The following CSPP1 variants were observed in gnomAD, a reference collection of about 807,000 sequenced individuals.
CSPP1 encodes the protein centrosome and spindle pole associated protein 1, also known as centrosome and spindle pole-associated protein 1.
In CSPP1, 126 loss-of-function variants were observed where a neutral mutation model predicts 164.4. That is an observed-to-expected ratio of 0.77 (90% CI 0.66 to 0.89). The LOEUF is 0.89. Among genes scored for constraint, CSPP1 ranks in the 40% least tolerant of loss-of-function variants. CSPP1 has a pLI of 0.00. For missense variants in CSPP1, 1,395 were observed against 1,449.8 expected (o/e 0.96, Z 0.61); for synonymous variants, 472 against 476.7 (o/e 0.99, Z 0.13).
intron 4 of CSPP1, among the ~76,000 whole-genome samples, chr8:67,088,583 C>A (rs1280589490): frequency 6.8e-6 from 1 of 146,712 alleles, no homozygotes; most frequent in Non-Finnish European, 1.5e-5. Context: ...CCACCGCACC[C>A]GGCCAGTTTT....
Position 67,188,634 on chromosome 8 carries a change from C to T in CSPP1, c.3221-2016C>T, listed in dbSNP as rs189374482. ...CTTCTGGTCCATGTTTGTTACGGCT[C>T]GAGCTGAGCTTTCGCTTGCTGTCCA... On this transcript the variant is annotated intron_variant, in intron 28 of 30. Coordinates refer to ENST00000678616, the MANE Select transcript of CSPP1 (RefSeq NM_001382391.1). 8.6e-3 allele frequency among the ~76,000 whole-genome samples: 1,309 copies of T among 152,256 alleles called. 16 individuals carry two copies. Among genetic ancestry groups the T allele is most frequent in the African/African-American group, 0.03 (1,232 of 41,548 alleles).
intron 30 of CSPP1, among the ~76,000 whole-genome samples, chr8:67,194,773 C>G (rs1294069362): frequency 6.6e-6 from 1 of 150,528 alleles, no homozygotes; most frequent in East Asian, 2.0e-4. Flanking sequence ...AAGTAAAATA[C>G]AGATAGAAGT....
intron 28 of CSPP1, among the ~76,000 whole-genome samples, chr8:67,180,417 G>A (rs781186727): frequency 6.6e-6 from 1 of 152,200 alleles, no homozygotes; most frequent in Admixed American, 6.5e-5. Flanking sequence ...CAGATTAGTG[G>A]TTGCCAGGGG....
At position 67,116,121 on chromosome 8, in the gene CSPP1, A is replaced by G. The variant is rs1586229739; in HGVS notation, c.1495A>G (p.Arg499Gly). ...SSALGEMVSPRIAPLPPPPLL... is the reference protein window; with the variant it reads ...SSALGEMVSPGIAPLPPPPLL... The stretch of plus-strand genomic sequence containing the variant: ...CGCCCTTGGTGAAATGGTGTCTCCC[A>G]GGTGCTTGTTTAAATGTTTTGTGTT... Residue 499 changes from arginine (R) to glycine (G), a missense_variant and splice_region_variant, in exon 13 of 31, where the codon AGG becomes GGG. Arg to Gly is a moderately radical substitution (Grantham distance 125). Transcript: ENST00000678616. The G allele has an allele frequency of 6.2e-7, 1 of 1,610,436 alleles. No individual in the cohort carries two copies. The highest frequency in any genetic ancestry group is 1.1e-5 in the South Asian group (1 of 90,988).
chr8:67,162,424 C>T (rs144696678), intron 22 of CSPP1, among the ~76,000 whole-genome samples: 198 of 152,236 alleles, frequency 1.3e-3, no homozygotes, highest in African/African-American at 4.5e-3. Context: ...GCATGCTGTA[C>T]GGAGTGCTAA....
At position 67,195,600 on chromosome 8, in the gene CSPP1, CCTGTA is replaced by C; in HGVS notation, c.*11_*15del. ...GTCGACTGCACATGGTTAAAATAAA[CCTGTA>C]CTGGACCCAGTAGTGCCTTTTAAGG... is the stretch of plus-strand genomic sequence containing the variant. On this transcript the variant is annotated 3_prime_UTR_variant, in exon 31 of 31. Transcript: ENST00000678616. 2 of 1,612,524 alleles carry C rather than the reference CCTGTA, an allele frequency of 1.2e-6. No homozygotes were observed. Among genetic ancestry groups the C allele is most frequent in the Non-Finnish European group, 1.7e-6 (2 of 1,178,722 alleles).
At chr8:67,118,851 TC>T in intron 15 of CSPP1, 30 bp downstream of exon 15, 1 of 1,485,236 alleles carries the variant, frequency 6.7e-7, no homozygotes, top group Middle Eastern at 1.7e-4. Flanking sequence ...AATAATTTTT[TC>T]CCCACTTTTA....
rs532238951 is a variant in CSPP1, at chr8:67,088,272, T to A, written c.303+2162T>A. Among the ~76,000 whole-genome samples the A allele has an allele frequency of 2.0e-4, 30 of 152,144 alleles. No homozygotes were observed. In the South Asian group the frequency reaches 3.3e-3, roughly 17 times the overall value. ...TTCAAAGGGATGTGAAGGAGTTTTT[T>A]AAGATTTTTTTGTTTGTTTTTTGGT... On this transcript the variant is annotated intron_variant, in intron 4 of 30. Transcript: ENST00000678616.
At chr8:67,087,183 A>G (rs1011584002) in intron 4 of CSPP1, among the ~76,000 whole-genome samples, 2 of 149,510 alleles carry the variant, frequency 1.3e-5, no homozygotes, top group Non-Finnish European at 2.9e-5. Flanking sequence ...CACTAATCAC[A>G]GTAAGATTAA....
At chr8:67,112,190 C>A in intron 10 of CSPP1, 125 bp downstream of exon 10, 5 of 484,110 alleles carry the variant, frequency 1.0e-5, no homozygotes, top group East Asian at 3.8e-5. Flanking sequence ...CTTATATTTT[C>A]ATCTCTACAT....
At chr8:67,071,093 A>G (rs1806680222) in intron 1 of CSPP1, among the ~76,000 whole-genome samples, 1 of 152,186 alleles carries the variant, frequency 6.6e-6, no homozygotes, top group African/African-American at 2.4e-5. Flanking sequence ...TTGGCATTAC[A>G]TAATGGCGTG....
intron 28 of CSPP1, among the ~76,000 whole-genome samples, chr8:67,188,481 CAG>C (rs1324146065): frequency 6.6e-5 from 10 of 152,188 alleles, no homozygotes; most frequent in Admixed American, 1.3e-4. Flanking sequence ...CCTGAGAGCA[CAG>C]GGGGAGGGAC....
In CSPP1 at chr8:67,182,183, T is replaced by C. The variant is rs150406429; in HGVS notation, c.3220+2257T>C. Reference sequence around the variant, plus strand: ...ATGCCTGAATAATTTTTGTATTTTTTGTAGAGACAGGGTTTCACCATGCTG... The same window carrying C: ...ATGCCTGAATAATTTTTGTATTTTTCGTAGAGACAGGGTTTCACCATGCTG... On this transcript the variant is annotated intron_variant, in intron 28 of 30. Transcript: ENST00000678616. 7.9e-5 allele frequency among the ~76,000 whole-genome samples: 12 copies of C among 152,154 alleles called. No individual in the cohort carries two copies. The East Asian group carries it at 1.7e-3, about 22-fold the overall frequency.
chr8:67,136,680 G>C lies in CSPP1; in HGVS notation c.1828-776G>C, dbSNP rs368166962. ...AAAGTTGCCAAGCATTCCCCAGAGA[G>C]AGTTGATCCTCCGACCTCTGAATTC... On this transcript the variant is annotated intron_variant, in intron 16 of 30. Transcript: ENST00000678616. 2.2e-4 allele frequency among the ~76,000 whole-genome samples: 33 copies of C among 151,986 alleles called. 1 individual carries two copies. In the East Asian group the frequency reaches 2.3e-3, roughly 11 times the overall value.
chr8:67,105,810 C>CTATGAA, intron 8 of CSPP1, 95 bp from the exon 9 acceptor site: 1 of 708,262 alleles, frequency 1.4e-6, no homozygotes, highest in Non-Finnish European at 2.5e-6. Flanking sequence ...CTTTGAAAGG[C>CTATGAA]TAATAATTCA....
intron 25 of CSPP1, chr8:67,173,603 A>T (rs1235368126): frequency 6.6e-6 from 1 of 152,068 alleles, no homozygotes; most frequent in Non-Finnish European, 1.5e-5. Flanking sequence ...AACTACCTAT[A>T]TGTAAGTACC....
intron 24 of CSPP1, among the ~76,000 whole-genome samples, chr8:67,167,916 A>G (rs905283557): frequency 5.3e-5 from 8 of 152,314 alleles, no homozygotes; most frequent in East Asian, 1.9e-4. Flanking sequence ...AGAGGCTGCA[A>G]TCTTGGCACT....
intron 28 of CSPP1, among the ~76,000 whole-genome samples, chr8:67,186,906 T>G (rs920102165): frequency 2.0e-5 from 3 of 152,144 alleles, no homozygotes; most frequent in African/African-American, 7.2e-5. Flanking sequence ...AATTAAAAAT[T>G]AAAAACACAA....
At chr8:67,183,749 G>A (rs951399284) in intron 28 of CSPP1, among the ~76,000 whole-genome samples, 4 of 150,276 alleles carry the variant, frequency 2.7e-5, no homozygotes, top group African/African-American at 7.4e-5. Context: ...AAATCTAGAC[G>A]ACCTTGGATA....
Sources: allele counts gnomAD v4.1 joint callset (sites outside exome capture counted in the v4.1 genomes callset), GRCh38; gene constraint gnomAD v4.1.1; transcripts MANE v1.5; gene names NCBI Gene and HGNC (gene_info 2026-07-23, HGNC 2026-07-21).